Variants in TAFA1 observed in about 807,000 individuals in gnomAD.
TAFA1 encodes the protein chemokine-like protein TAFA-1.
In TAFA1, 4 loss-of-function variants were observed where a neutral mutation model predicts 18.5. That is an observed-to-expected ratio of 0.22 (90% CI 0.11 to 0.49). TAFA1 has a LOEUF of 0.49. TAFA1 is among the 20% of genes least tolerant of loss of function. TAFA1 has a pLI of 0.98. For synonymous variants in TAFA1, 56 were observed against 55.2 expected, an observed-to-expected ratio of 1.01 and a Z score of -0.06; for missense variants, 147 against 169.0, an observed-to-expected ratio of 0.87 and a Z score of 0.72.
At chr3:68,482,016 TG>T (rs2072246641) in intron 3 of TAFA1, among the ~76,000 whole-genome samples, 1 of 152,182 alleles carries the variant, frequency 6.6e-6, no homozygotes, top group Non-Finnish European at 1.5e-5. Flanking sequence ...TTCTTTTTTT[TG>T]TTTTGTTTTC....
chr3:68,015,753 T>C (rs1298386523), intron 2 of TAFA1, among the ~76,000 whole-genome samples: 2 of 152,210 alleles, frequency 1.3e-5, no homozygotes, highest in Non-Finnish European at 2.9e-5. Flanking sequence ...AAATTTATCT[T>C]GAAACCCAAG....
intron 3 of TAFA1, among the ~76,000 whole-genome samples, chr3:68,425,977 T>C (rs1398676484): frequency 6.6e-6 from 1 of 151,872 alleles, no homozygotes; most frequent in Non-Finnish European, 1.5e-5. Flanking sequence ...GGCAATGGAA[T>C]ATGTGGTAAC....
chr3:68,334,060 A>T (rs996617778), intron 2 of TAFA1, among the ~76,000 whole-genome samples: 3 of 152,194 alleles, frequency 2.0e-5, no homozygotes, highest in Non-Finnish European at 4.4e-5. Context: ...AAGATGAAAA[A>T]GTTCAGGAGG....
chr3:68,027,016 G>A (rs971981260), intron 2 of TAFA1, among the ~76,000 whole-genome samples: 1 of 151,938 alleles, frequency 6.6e-6, no homozygotes, highest in Non-Finnish European at 1.5e-5. Flanking sequence ...AAGAGAGAGA[G>A]GGGGGAGGTG....
chr3:68,271,651 A>G (rs931402829), intron 2 of TAFA1, among the ~76,000 whole-genome samples: 2 of 152,122 alleles, frequency 1.3e-5, no homozygotes, highest in African/African-American at 4.8e-5. Flanking sequence ...GATGTTTGTC[A>G]CAATCACAAA....
chr3:68,007,961 C>T (rs1252790613), intron 2 of TAFA1, among the ~76,000 whole-genome samples: 1 of 152,226 alleles, frequency 6.6e-6, no homozygotes, highest in African/African-American at 2.4e-5. Context: ...GGTCCTCCCG[C>T]GCGCCTGCAC....
chr3:68,009,817 G>C (rs1411702750), intron 2 of TAFA1, among the ~76,000 whole-genome samples: 1 of 152,122 alleles, frequency 6.6e-6, no homozygotes, highest in Non-Finnish European at 1.5e-5. Context: ...GTTTTCCCTT[G>C]TAGGTCTTAA....
chr3:68,500,174 A>T (rs1041259152), intron 3 of TAFA1, among the ~76,000 whole-genome samples: 5 of 152,182 alleles, frequency 3.3e-5, no homozygotes, highest in Admixed American at 2.0e-4. Context: ...TAGGTGAGTC[A>T]TGGGATCAGC....
At chr3:68,398,244 C>A (rs1399263569) in intron 2 of TAFA1, among the ~76,000 whole-genome samples, 1 of 152,124 alleles carries the variant, frequency 6.6e-6, no homozygotes, top group Admixed American at 6.6e-5. Flanking sequence ...TGGAAATGAA[C>A]AAAGGCATCA....
rs535227586 is a variant in TAFA1, at chr3:68,531,615, A to G, written c.260-7141A>G. Among the ~76,000 whole-genome samples, 3 of 152,180 alleles carry G rather than the reference A, an allele frequency of 2.0e-5. No individual in the cohort carries two copies. The South Asian group carries it at 6.2e-4, about 32-fold the overall frequency. On this transcript the variant is annotated intron_variant, in intron 3 of 4. Coordinates refer to ENST00000478136, the MANE Select transcript of TAFA1 (RefSeq NM_213609.4). ...CCTAGAGGAAGGTCAGTTAAACTCC[A>G]TCATTTTGCTTCTTAGAGCACGTGC...
intron 2 of TAFA1, among the ~76,000 whole-genome samples, chr3:68,217,763 C>T (rs1452658899): frequency 2.6e-5 from 4 of 151,790 alleles, no homozygotes; most frequent in African/African-American, 4.8e-5. Context: ...ATTAAGATAA[C>T]GTGTTTTTCA....
chr3:68,182,889 T>G (rs779883019), intron 2 of TAFA1, among the ~76,000 whole-genome samples: 1 of 152,200 alleles, frequency 6.6e-6, no homozygotes, highest in African/African-American at 2.4e-5. Flanking sequence ...AAGAATAGGT[T>G]GGATTGCATT....
chr3:68,208,766 G>C (rs1416927900), intron 2 of TAFA1, among the ~76,000 whole-genome samples: 3 of 151,966 alleles, frequency 2.0e-5, no homozygotes, highest in African/African-American at 7.2e-5. Flanking sequence ...CTGCCCTGCT[G>C]TGCAGAATTT....
At chr3:68,174,388 G>A (rs900057851) in intron 2 of TAFA1, among the ~76,000 whole-genome samples, 1 of 152,108 alleles carries the variant, frequency 6.6e-6, no homozygotes, top group African/African-American at 2.4e-5. Context: ...AGAAAAATGT[G>A]GGAAAGTTTG....
chr3:68,311,541 G>A (rs1466203124), intron 2 of TAFA1, among the ~76,000 whole-genome samples: 1 of 152,174 alleles, frequency 6.6e-6, no homozygotes, highest in African/African-American at 2.4e-5. Context: ...GGGGCTACAA[G>A]CCCCATACAA....
At chr3:68,155,721 G>C (rs958246451) in intron 2 of TAFA1, among the ~76,000 whole-genome samples, 1 of 152,126 alleles carries the variant, frequency 6.6e-6, no homozygotes, top group African/African-American at 2.4e-5. Context: ...CACATGATAC[G>C]TGAAGATTGA....
intron 3 of TAFA1, among the ~76,000 whole-genome samples, chr3:68,493,867 T>G (rs563529784): frequency 1.8e-4 from 28 of 152,172 alleles, no homozygotes; most frequent in Non-Finnish European, 3.5e-4. Context: ...TGAGACAGCA[T>G]CTGGAATTTG....
intron 2 of TAFA1, among the ~76,000 whole-genome samples, chr3:68,252,806 T>C (rs2067222616): frequency 6.6e-6 from 1 of 152,226 alleles, no homozygotes; most frequent in South Asian, 2.1e-4. Flanking sequence ...CTTTGAATTG[T>C]AGCTCCCATA....
At chr3:68,087,121 A>G (rs1310937112) in intron 2 of TAFA1, among the ~76,000 whole-genome samples, 7 of 152,202 alleles carry the variant, frequency 4.6e-5, no homozygotes, top group African/African-American at 1.7e-4. Flanking sequence ...ACCATTGGAT[A>G]CCTACTGTTG....
Sources: gnomAD v4.1 joint callset for allele counts (sites outside exome capture counted in the v4.1 genomes callset) on GRCh38, gnomAD v4.1.1 for gene constraint, MANE v1.5 for transcripts, NCBI Gene and HGNC (gene_info 2026-07-23, HGNC 2026-07-21) for gene names.